Variants in CCHCR1 observed in about 807,000 individuals in gnomAD.
The protein encoded by CCHCR1 is coiled-coil alpha-helical rod protein 1.
In CCHCR1, 91 loss-of-function variants were observed where a neutral mutation model predicts 114.6. That is an observed-to-expected ratio of 0.79 (90% CI 0.67 to 0.94). The LOEUF (loss-of-function observed/expected upper bound fraction) is 0.94. Among genes scored for constraint, CCHCR1 ranks in the 40% least tolerant of loss-of-function variants. The pLI, the probability that CCHCR1 is intolerant of heterozygous loss-of-function variation, is 0.00. For synonymous variants in CCHCR1, 379 were observed against 428.5 expected, an observed-to-expected ratio of 0.88 and a Z score of 1.43; for missense variants, 899 against 1,079.9, an observed-to-expected ratio of 0.83 and a Z score of 2.35.
chr6:31,154,754 C>T lies in CCHCR1; in HGVS notation c.543G>A (p.Glu181=). 1 of 1,606,624 alleles carries T rather than the reference C, an allele frequency of 6.2e-7. No individual in the cohort carries two copies. Among genetic ancestry groups the T allele is most frequent in the South Asian group, 1.1e-5 (1 of 91,048 alleles). ...EGSQALSQQA[E]VIVRQLQELR... is the part of the protein sequence containing the mutation. Reference sequence around the variant, plus strand: ...GCTCTTGCAGCTGCCGAACGATCACCTCAGCCTGCTGGCTCAGGGCCTGTG... The same window carrying T: ...GCTCTTGCAGCTGCCGAACGATCACTTCAGCCTGCTGGCTCAGGGCCTGTG... Residue 181 remains glutamate (E), a synonymous_variant, in exon 4 of 18, where the codon GAG becomes GAA. Transcript: ENST00000396268. This position sits in a 1 kb window ranked among gnomAD's most constrained non-coding sequence, Gnocchi z 4.1.
rs1298291243 is a variant in CCHCR1 at position 31,144,710 on chromosome 6, G to C, written c.2144C>G (p.Ala715Gly). ...ACCGGCCTTGGCATGCTCCCTCCGA[G>C]CCTCGTTCAGCCTCCTCTCTGTGTC... ...LSDTERRLNE[A>G]RREHAKAVVS... is the part of the protein sequence containing the mutation. Residue 715 changes from alanine to glycine, a missense_variant, in exon 15 of 18, where the codon GCT (alanine) becomes GGT (glycine). Ala to Gly is a moderately conservative substitution (Grantham distance 60, BLOSUM62 0). Coordinates refer to ENST00000396268, the MANE Select transcript of CCHCR1 (RefSeq NM_001105564.2). This position sits in a 1 kb window ranked among gnomAD's most constrained non-coding sequence, Gnocchi z 4.6. 3 of 1,612,112 alleles carry C rather than the reference G, an allele frequency of 1.9e-6. No homozygotes were observed. Among genetic ancestry groups the C allele is most frequent in the Admixed American group, 1.7e-5 (1 of 59,934 alleles).
Position 31,145,430 on chromosome 6 carries a change from A to C in CCHCR1, c.1739+18T>G. On this transcript the variant is annotated intron_variant, in intron 12 of 17. Coordinates refer to ENST00000396268, the MANE Select transcript of CCHCR1 (RefSeq NM_001105564.2). ...AATGCCCTAAAGCCCCATCCACCTC[A>C]AAGTGCCCAAACTTCACCTCTCCTG... The C allele has an allele frequency of 6.2e-7, 1 of 1,614,132 alleles. No homozygotes were observed. Among genetic ancestry groups the C allele is most frequent in the Non-Finnish European group, 8.5e-7 (1 of 1,180,004 alleles).
Position 31,156,812 on chromosome 6 carries a change from C to T in CCHCR1, c.416G>A (p.Arg139Gln), listed in dbSNP as rs768496914. 1.2e-5 allele frequency: 19 copies of T among 1,612,828 alleles called. No individual in the cohort carries two copies. The highest frequency in any genetic ancestry group is 1.6e-5 in the Non-Finnish European group (19 of 1,179,992). Residue 139 changes from arginine (R) to glutamine (Q), a missense_variant, in exon 3 of 18, where the codon CGG (arginine) becomes CAG (glutamine). Coordinates refer to ENST00000396268, the MANE Select transcript of CCHCR1 (RefSeq NM_001105564.2). Reference protein sequence around the residue: ...PPGHQDVSERRLDTQRPQVTM... With the variant: ...PPGHQDVSERQLDTQRPQVTM... ...CACTTGAGGTCTCTGGGTGTCTAGC[C>T]GCCTCTCTGAGACATCTTGATGGCC...
At chr6:31,155,279 G>T (rs1251439329) in intron 3 of CCHCR1, among the ~76,000 whole-genome samples, 1 of 152,150 alleles carries the variant, frequency 6.6e-6, no homozygotes, top group Non-Finnish European at 1.5e-5. Context: ...TAAGCTTCCA[G>T]TATCAATATG....
chr6:31,155,113 A>G (rs929641629), intron 3 of CCHCR1, among the ~76,000 whole-genome samples: 3 of 151,998 alleles, frequency 2.0e-5, no homozygotes, highest in African/African-American at 7.3e-5. Context: ...ATTAGGCCAC[A>G]CATTCTTTTT....
intron 10 of CCHCR1, 31 bp downstream of exon 10, chr6:31,148,374 A>G: frequency 7.4e-7 from 1 of 1,347,558 alleles, no homozygotes. Context: ...TGGCAGAAAC[A>G]CTACTCCACC....
rs181234529 is a variant in CCHCR1 at position 31,150,258 on chromosome 6, A to C, written c.1213-43T>G. 1.3e-6 allele frequency: 2 copies of C among 1,596,384 alleles called. No homozygotes were observed. The highest frequency in any genetic ancestry group is 4.5e-5 in the East Asian group (2 of 44,724). The stretch of plus-strand genomic sequence containing the variant: ...GGAGAAAAGTGTGGGCTCCTGGGGG[A>C]GGAGAGGAAGGAGGTGGCATCTTTG... On this transcript the variant is annotated intron_variant, in intron 7 of 17. Transcript: ENST00000396268. This position sits in a 1 kb window ranked among gnomAD's most constrained non-coding sequence, Gnocchi z 5.3.
At position 31,143,181 on chromosome 6, in the gene CCHCR1, C is replaced by T. The variant is rs1276897549; in HGVS notation, c.2320-47G>A. ...CTAGCCCGGATAGAGCCTCCCTCAC[C>T]ATCCTCTTTCCACACCTCTAGCCCA... is the stretch of plus-strand genomic sequence containing the variant. On this transcript the variant is annotated intron_variant, in intron 16 of 17. Transcript: ENST00000396268. This position sits in a 1 kb window ranked among gnomAD's most constrained non-coding sequence, Gnocchi z 5.3. 3 of 1,610,348 alleles carry T rather than the reference C, an allele frequency of 1.9e-6. No individual in the cohort carries two copies. Among genetic ancestry groups the T allele is most frequent in the Admixed American group, 1.7e-5 (1 of 59,892 alleles).
chr6:31,144,874 C>T lies in CCHCR1; in HGVS notation c.2065+11G>A. 6.2e-7 allele frequency: 1 copy of T among 1,613,216 alleles called. No individual in the cohort carries two copies. The highest frequency in any genetic ancestry group is 8.5e-7 in the Non-Finnish European group (1 of 1,179,486). On this transcript the variant is annotated intron_variant, in intron 14 of 17. Transcript: ENST00000396268. This position sits in a 1 kb window ranked among gnomAD's most constrained non-coding sequence, Gnocchi z 4.6. ...ACCCTCCAAGGGAAGCACCCATTTC[C>T]CTCTCGACACCTTGCCCGTAGAGTT...
intron 3 of CCHCR1, among the ~76,000 whole-genome samples, chr6:31,155,361 T>C (rs940285350): frequency 2.0e-5 from 3 of 151,992 alleles, no homozygotes; most frequent in African/African-American, 7.3e-5. Flanking sequence ...TCCCAGCACT[T>C]TGGGAGGCCG....
In CCHCR1 at chr6:31,145,202, G is replaced by A. The variant is rs1022602600; in HGVS notation, c.1840C>T (p.Leu614Phe). Residue 614 changes from leucine (L) to phenylalanine (F), a missense_variant, in exon 13 of 18, where the codon CTC becomes TTC. Leu to Phe is a conservative substitution (Grantham distance 22). Transcript: ENST00000396268. The stretch of plus-strand genomic sequence containing the variant: ...GCCCGGCCCACCTCCTGCTGGATGA[G>A]GCGGGCACTCAGCTGCAGTTCTGCA... Reference protein sequence around the residue: ...LDAELQLSARLIQQEVGRARE... With the variant: ...LDAELQLSARFIQQEVGRARE... The A allele has an allele frequency of 6.2e-7, 1 of 1,613,254 alleles. No homozygotes were observed. The highest frequency in any genetic ancestry group is 8.5e-7 in the Non-Finnish European group (1 of 1,180,034).
In CCHCR1 at chr6:31,146,300, G is replaced by A. The variant is rs181009615; in HGVS notation, c.1581-492C>T. Among the ~76,000 whole-genome samples the A allele has an allele frequency of 3.4e-3, 516 of 152,226 alleles. 5 individuals are homozygous for A. The highest frequency in any genetic ancestry group is 0.027 in the Middle Eastern group (8 of 292). On this transcript the variant is annotated intron_variant, in intron 10 of 17. Coordinates refer to ENST00000396268, the MANE Select transcript of CCHCR1 (RefSeq NM_001105564.2). ...GTGGAGGTTCCAGTGAGCCAAGATC[G>A]CACCCCTGCCCTCAAGACTGGGTGA...
intron 8 of CCHCR1, 109 bp from the exon 9 acceptor site, chr6:31,148,837 GCT>G: frequency 3.2e-5 from 18 of 560,502 alleles, no homozygotes; most frequent in South Asian, 6.3e-5. Flanking sequence ...CCATGCAGGG[GCT>G]GGGGGGAGGG....
rs1776251731 is a variant in CCHCR1, at chr6:31,157,601, G to T, written c.-1C>A. On this transcript the variant is annotated 5_prime_UTR_variant, in exon 1 of 18. Transcript: ENST00000396268. ...TGGCCCCAGCTGAATGTGGCCACAT[G>T]CAGGGCTAGACCCTCCCCAAGACCT... 6.2e-7 allele frequency: 1 copy of T among 1,608,132 alleles called. No individual in the cohort carries two copies. Among genetic ancestry groups the T allele is most frequent in the Admixed American group, 1.7e-5 (1 of 58,888 alleles).
chr6:31,142,503 C>G lies in CCHCR1; in HGVS notation c.*89G>C, dbSNP rs558817159. ...TCAGCTGGTATCCCCCAGGGCAACC[C>G]CAGGATGGGGAAGGGCTGGTCTGTC... On this transcript the variant is annotated 3_prime_UTR_variant, in exon 18 of 18. Transcript: ENST00000396268. 6 of 1,333,416 alleles carry G rather than the reference C, an allele frequency of 4.5e-6. No individual in the cohort carries two copies. The highest frequency in any genetic ancestry group is 1.4e-5 in the African/African-American group (1 of 69,372). 82.6% of individuals were successfully genotyped at this position (1,333,416 alleles called of 1,614,324 possible).
In CCHCR1 at chr6:31,157,694, C is replaced by A. The variant is rs1378662531; in HGVS notation, c.-94G>T. On this transcript the variant is annotated 5_prime_UTR_variant, in exon 1 of 18. Coordinates refer to ENST00000396268, the MANE Select transcript of CCHCR1 (RefSeq NM_001105564.2). ...GTCCTGACATCTTATTCAAATCTTT[C>A]CTGCGGCTGTTCTCTCAGCTTCTCT... 6.0e-6 allele frequency: 6 copies of A among 994,562 alleles called. No individual in the cohort carries two copies. The highest frequency in any genetic ancestry group is 2.4e-5 in the Admixed American group (1 of 41,476). 61.6% of individuals were successfully genotyped at this position (994,562 alleles called of 1,614,324 possible). A position where few individuals can be genotyped will look rare whatever the true frequency, so the allele number is the denominator to read the frequency against.
Position 31,148,389 on chromosome 6 carries a change from C to A in CCHCR1, c.1580+16G>T. The A allele has an allele frequency of 1.4e-6, 2 of 1,459,406 alleles. No individual in the cohort carries two copies. Among genetic ancestry groups the A allele is most frequent in the Non-Finnish European group, 1.9e-6 (2 of 1,050,910 alleles). 90.4% of individuals were successfully genotyped at this position (1,459,406 alleles called of 1,614,324 possible). ...TGGCAGAAACACTACTCCACCCACC[C>A]CTCCATCCCTGATACCTGCTGACAG... On this transcript the variant is annotated intron_variant, in intron 10 of 17. Transcript: ENST00000396268.
rs201359780 is a variant in CCHCR1, at chr6:31,157,513, C to G, written c.88G>C (p.Gly30Arg). The stretch of plus-strand genomic sequence containing the variant: ...GGCTCAGCAAGGCCTGAGGGAAGCC[C>G]ATCCAGACACCAGCAGGCCATGACT... ...PRVMACWCLD[G>R]LPSGLAEPWR... The change falls in exon 1 of 18, where the codon GGG becomes CGG. Residue 30 changes from glycine to arginine, a missense_variant. Physicochemically the swap from Gly to Arg is moderately radical, Grantham distance 125. Coordinates refer to ENST00000396268, the MANE Select transcript of CCHCR1 (RefSeq NM_001105564.2). 1,794 of 1,613,052 alleles carry G rather than the reference C, an allele frequency of 1.1e-3. 20 individuals carry two copies. Among genetic ancestry groups the G allele is most frequent in the Non-Finnish European group, 2.3e-4 (271 of 1,180,022 alleles).
At position 31,151,030 on chromosome 6, in the gene CCHCR1, G is replaced by A; in HGVS notation, c.894C>T (p.Thr298=). The A allele has an allele frequency of 1.2e-6, 2 of 1,613,076 alleles. No homozygotes were observed. Among genetic ancestry groups the A allele is most frequent in the Non-Finnish European group, 1.7e-6 (2 of 1,180,022 alleles). Residue 298 remains threonine (T), a synonymous_variant, in exon 5 of 18, where the codon ACC becomes ACT. Transcript: ENST00000396268. This position sits in a 1 kb window ranked among gnomAD's most constrained non-coding sequence, Gnocchi z 4.1. ...GLEKSLSSLE[T]RRAGEAKELA... is the part of the protein sequence containing the mutation. ...GCTCCTTGGCTTCCCCTGCTCTTCT[G>A]GTTTCCAGACTACTCAGAGACTTCT...
Sources: gnomAD v4.1 joint callset for allele counts (sites outside exome capture counted in the v4.1 genomes callset) on GRCh38, gnomAD v4.1.1 for gene constraint, Gnocchi (gnomAD v3.1) non-coding constraint, MANE v1.5 for transcripts, NCBI Gene and HGNC (gene_info 2026-07-23, HGNC 2026-07-21) for gene names.